The following SRGAP2 variants were observed in gnomAD, a reference collection of about 807,000 sequenced individuals.
SRGAP2 encodes the protein SLIT-ROBO Rho GTPase-activating protein 2.
Under a neutral mutation model 57.2 loss-of-function variants are expected in SRGAP2, and 15 were observed. The ratio of observed to expected loss-of-function variants is 0.26; its 90% CI spans 0.18 to 0.40. The LOEUF (loss-of-function observed/expected upper bound fraction) is 0.40. Ranked by LOEUF, SRGAP2 falls within the 10% of genes least tolerant of loss-of-function variation. The pLI is 1.00. For synonymous variants in SRGAP2, 249 were observed against 248.0 expected (o/e 1.00, Z -0.04); for missense variants, 520 against 669.6 (o/e 0.78, Z 2.47).
At chr1:206,264,042 T>G (rs1553314170) in intron 2 of SRGAP2, among the ~76,000 whole-genome samples, 2 of 151,550 alleles carry the variant, frequency 1.3e-5, no homozygotes, top group African/African-American at 4.9e-5. Flanking sequence ...GTGACAAAAT[T>G]AAATAACTAG....
At chr1:206,327,806 A>ATTT (rs201218122) in intron 3 of SRGAP2, among the ~76,000 whole-genome samples, 17 of 88,634 alleles carry the variant, frequency 1.9e-4, no homozygotes, top group East Asian at 3.5e-4. Context: ...ACACTGAATC[A>ATTT]TTTTTTTTTT....
chr1:206,457,692 TA>T (rs1553378907), intron 21 of SRGAP2, among the ~76,000 whole-genome samples: 5 of 152,204 alleles, frequency 3.3e-5, no homozygotes. Context: ...TGAACAGGAC[TA>T]GGACTGGCTT....
chr1:206,289,519 C>T (rs1181736382), intron 2 of SRGAP2, among the ~76,000 whole-genome samples: 27 of 151,678 alleles, frequency 1.8e-4, no homozygotes, highest in Non-Finnish European at 3.4e-4. Flanking sequence ...CCTCGTGGTC[C>T]GCCTGCCTTG....
At chr1:206,417,414 CTTTTTTTTTTTTT>C (rs1219905489) in intron 11 of SRGAP2, among the ~76,000 whole-genome samples, 1 of 110,778 alleles carries the variant, frequency 9.0e-6, no homozygotes, top group South Asian at 3.0e-4. Flanking sequence ...GATCTTATGA[CTTTTTTTTTTTTT>C]TTTTTTTTGA....
chr1:206,422,702 T>G (rs1348365721), intron 13 of SRGAP2, among the ~76,000 whole-genome samples: 3 of 152,196 alleles, frequency 2.0e-5, no homozygotes, highest in African/African-American at 7.2e-5. Flanking sequence ...AGACATCAGT[T>G]TGGCAGGTGA....
At position 206,461,452 on chromosome 1, in the gene SRGAP2, G is replaced by T. The variant is rs782098352; in HGVS notation, c.*32G>T. The T allele has an allele frequency of 7.2e-6, 5 of 692,172 alleles. 1 individual carries two copies. The South Asian group carries it at 8.2e-5, about 11-fold the overall frequency. The allele number at this position is 692,172 out of a possible 1,614,324, so 42.9% of individuals were successfully genotyped here. On this transcript the variant is annotated 3_prime_UTR_variant, in exon 23 of 23. Transcript: ENST00000573034. ...ATAATTTAATTGTTCTAGACAAGGG[G>T]ACTATAGGGACTGACTGTTATTAAA... is the stretch of plus-strand genomic sequence containing the variant.
At chr1:206,360,086 G>C (rs576087818) in intron 4 of SRGAP2, among the ~76,000 whole-genome samples, 2 of 152,196 alleles carry the variant, frequency 1.3e-5, no homozygotes, top group South Asian at 2.1e-4. Context: ...GATTACAGGC[G>C]TGAGCCACCG....
chr1:206,456,658 G>C (rs1385163305), intron 21 of SRGAP2, among the ~76,000 whole-genome samples: 1 of 152,192 alleles, frequency 6.6e-6, no homozygotes, highest in African/African-American at 2.4e-5. Flanking sequence ...TGGTTCCCTT[G>C]AACTCCTTGT....
At chr1:206,213,783 G>A (rs1279572468) in intron 2 of SRGAP2, among the ~76,000 whole-genome samples, 2 of 152,180 alleles carry the variant, frequency 1.3e-5, no homozygotes, top group East Asian at 1.9e-4. Context: ...GCTGGGCGTG[G>A]TGGTGGGTGC....
At chr1:206,221,404 G>A (rs1424755094) in intron 2 of SRGAP2, among the ~76,000 whole-genome samples, 10 of 150,508 alleles carry the variant, frequency 6.6e-5, no homozygotes, top group East Asian at 5.8e-4. Context: ...TTTTTTTTCC[G>A]GTTCTGGAGG....
rs1670898782 is a variant in SRGAP2 at position 206,284,361 on chromosome 1, C to T, written c.68-18920C>T. On this transcript the variant is annotated intron_variant, in intron 2 of 22. Transcript: ENST00000573034. ...AATCATCTAGATGTGAATTGGATGG[C>T]TTGGTACTGTTTTTTATGCTTCTAG... Among the ~76,000 whole-genome samples, 2 of 152,060 alleles carry T rather than the reference C, an allele frequency of 1.3e-5. 1 individual carries two copies. The highest frequency in any genetic ancestry group is 4.2e-4 in the South Asian group (2 of 4,798).
chr1:206,425,294 G>C (rs1660697866), intron 13 of SRGAP2, among the ~76,000 whole-genome samples: 1 of 152,058 alleles, frequency 6.6e-6, no homozygotes, highest in South Asian at 2.1e-4. Flanking sequence ...GTAATATTTT[G>C]ATACATGCAT....
Position 206,257,337 on chromosome 1 carries a change from ATTTTTTTT to A in SRGAP2, c.68-45934_68-45927del, listed in dbSNP as rs1163899818. Among the ~76,000 whole-genome samples, 2 of 74,546 alleles carry A rather than the reference ATTTTTTTT, an allele frequency of 2.7e-5. 1 individual carries two copies. The highest frequency in any genetic ancestry group is 1.3e-3 in the South Asian group (2 of 1,588). The allele number at this position is 74,546 out of a possible 152,430, so 48.9% of individuals were successfully genotyped here. On this transcript the variant is annotated intron_variant, in intron 2 of 22. Coordinates refer to ENST00000573034, the MANE Select transcript of SRGAP2 (RefSeq NM_015326.5). The stretch of plus-strand genomic sequence containing the variant: ...CAATTGTGCACCACTACACACTGCT[ATTTTTTTT>A]TTTTTTTTTGAGATGGGGTCTCACT...
chr1:206,407,822 TA>T (rs1443551484), intron 10 of SRGAP2: 2 of 138,890 alleles, frequency 1.4e-5, no homozygotes, highest in Non-Finnish European at 3.1e-5. Context: ...AATTTTATTC[TA>T]AAAAATAGGA....
intron 3 of SRGAP2, among the ~76,000 whole-genome samples, chr1:206,336,058 C>T (rs535533894): frequency 3.2e-4 from 48 of 150,198 alleles, no homozygotes; most frequent in Admixed American, 2.4e-3. Context: ...AAAGCAGATT[C>T]CTAAGGTCCG....
chr1:206,301,070 C>T (rs1469680171), intron 2 of SRGAP2, among the ~76,000 whole-genome samples: 7 of 152,128 alleles, frequency 4.6e-5, no homozygotes, highest in African/African-American at 1.7e-4. Flanking sequence ...CTCGCTCTGT[C>T]GCCCAGGCTG....
At chr1:206,361,432 C>A (rs1181535042) in intron 4 of SRGAP2, among the ~76,000 whole-genome samples, 3 of 151,172 alleles carry the variant, frequency 2.0e-5, no homozygotes, top group Non-Finnish European at 4.4e-5. Flanking sequence ...ATAAACTGAA[C>A]AAGAAGCATA....
At chr1:206,290,641 C>CAAAAAA (rs1237811129) in intron 2 of SRGAP2, among the ~76,000 whole-genome samples, 116 of 44,500 alleles carry the variant, frequency 2.6e-3, no homozygotes, top group South Asian at 3.6e-3. Flanking sequence ...GACTCCATCT[C>CAAAAAA]AAAAAAAAAA....
At chr1:206,451,655 G>T (rs999997567) in intron 19 of SRGAP2, among the ~76,000 whole-genome samples, 2 of 152,210 alleles carry the variant, frequency 1.3e-5, no homozygotes, top group Admixed American at 1.3e-4. Flanking sequence ...TCGAGGAGGG[G>T]AGTAGGTGAA....
Sources: gnomAD v4.1 joint callset for allele counts (sites outside exome capture counted in the v4.1 genomes callset) on GRCh38, gnomAD v4.1.1 for gene constraint, MANE v1.5 for transcripts, NCBI Gene and HGNC (gene_info 2026-07-23, HGNC 2026-07-21) for gene names.